ADGRE5: variants seen among roughly 807,000 people sequenced by gnomAD.
ADGRE5 encodes CD97 molecule.
Under a neutral mutation model 100.3 loss-of-function variants are expected in ADGRE5, and 72 were observed. The ratio of observed to expected loss-of-function variants is 0.72; its 90% confidence interval spans 0.59 to 0.87. ADGRE5 has a LOEUF of 0.87. ADGRE5 is among the 40% of genes least tolerant of loss of function. The pLI, the probability that ADGRE5 is intolerant of heterozygous loss-of-function variation, is 0.00. For missense variants in ADGRE5, 959 were observed against 1,094.7 expected (o/e 0.88, Z 1.75); for synonymous variants, 439 against 447.8 (o/e 0.98, Z 0.25).
chr19:14,401,391 C>A lies in ADGRE5; in HGVS notation c.903C>A (p.Val301=). ...TSSAEVTIQN[V]IKLVDELMEA... is the part of the protein sequence containing the mutation. ...TGTCACCCGCCACCCCCTAGAATGT[C>A]ATCAAATTGGTGGATGAACTGATGG... The change falls in exon 10 of 20, where the codon GTC becomes GTA. Residue 301 remains valine, a synonymous_variant. Coordinates refer to ENST00000242786, the MANE Select transcript of ADGRE5 (RefSeq NM_078481.4). This position sits in a 1 kb window ranked among gnomAD's most constrained non-coding sequence, Gnocchi z 4.1. 1.2e-6 allele frequency: 2 copies of A among 1,613,878 alleles called. No homozygotes were observed. Among genetic ancestry groups the A allele is most frequent in the Non-Finnish European group, 1.7e-6 (2 of 1,179,888 alleles).
At chr19:14,399,420 C>T (rs1025643752) in intron 9 of ADGRE5, among the ~76,000 whole-genome samples, 20 of 151,300 alleles carry the variant, frequency 1.3e-4, no homozygotes, top group Non-Finnish European at 2.2e-4. Flanking sequence ...AAAAATTAGC[C>T]GGGCGTAGTG....
At chr19:14,407,638 C>CAAAAAAAAAA (rs566106681) in intron 18 of ADGRE5, among the ~76,000 whole-genome samples, 6 of 84,674 alleles carry the variant, frequency 7.1e-5, no homozygotes, top group African/African-American at 2.7e-4. Flanking sequence ...GACTTGTCTC[C>CAAAAAAAAAA]AAAAAAAAAA....
At chr19:14,391,837 C>A (rs1014037154) in intron 4 of ADGRE5, among the ~76,000 whole-genome samples, 1 of 152,106 alleles carries the variant, frequency 6.6e-6, no homozygotes, top group Non-Finnish European at 1.5e-5. Context: ...GTGGCTCACA[C>A]CTGTAATCCC....
chr19:14,382,820 C>T (rs966090536), intron 1 of ADGRE5, among the ~76,000 whole-genome samples: 4 of 151,874 alleles, frequency 2.6e-5, no homozygotes, highest in Non-Finnish European at 5.9e-5. Flanking sequence ...AGCGATTCTC[C>T]TGCCTCGCCC....
In ADGRE5 at chr19:14,404,561, A is replaced by C. The variant is rs1002267002; in HGVS notation, c.1628A>C (p.Glu543Ala). Residue 543 changes from glutamate (E) to alanine (A), a missense_variant and splice_region_variant, in exon 13 of 20, where the codon GAG (glutamate) becomes GCG (alanine). Physicochemically the swap from Glu to Ala is moderately radical, Grantham distance 107 (BLOSUM62 -1). Around this residue, in one of 6 missense-constraint regions of ADGRE5, gnomAD observed 428 missense variants for 386.2 expected, o/e 1.11. Transcript: ENST00000242786. Reference protein sequence around the residue: ...FAILMAHYDVEDWKLTLITRV... With the variant: ...FAILMAHYDVADWKLTLITRV... Reference sequence around the variant, plus strand: ...ATCCTTATGGCTCATTATGACGTGGAGGTAAGTAGCTGGAGGCATCCTCAA... The same window carrying C: ...ATCCTTATGGCTCATTATGACGTGGCGGTAAGTAGCTGGAGGCATCCTCAA... The C allele has an allele frequency of 1.5e-5, 24 of 1,612,146 alleles. No individual in the cohort carries two copies. Among genetic ancestry groups the C allele is most frequent in the Non-Finnish European group, 2.0e-5 (24 of 1,179,358 alleles).
At position 14,406,313 on chromosome 19, in the gene ADGRE5, T is replaced by C; in HGVS notation, c.1822-18T>C. ...CCCCGCGCTGACGTCGCTCCGCCCC[T>C]CCGTCCCCGCCCCGCAGGTGGGGCT... On this transcript the variant is annotated intron_variant, in intron 14 of 19. Transcript: ENST00000242786. The surrounding 1 kb of genome is among the most constrained non-coding windows in gnomAD (Gnocchi z 6.0). 2 of 1,536,288 alleles carry C rather than the reference T, an allele frequency of 1.3e-6. No individual in the cohort carries two copies. The highest frequency in any genetic ancestry group is 1.8e-6 in the Non-Finnish European group (2 of 1,141,916).
chr19:14,407,786 C>T (rs529027527), intron 18 of ADGRE5, 122 bp from the exon 19 acceptor site: 443 of 785,482 alleles, frequency 5.6e-4, no homozygotes, highest in Non-Finnish European at 8.4e-4. Flanking sequence ...CAGGGGGACC[C>T]GATCTCAAAA....
At chr19:14,385,399 G>GTC (rs879416523) in intron 1 of ADGRE5, among the ~76,000 whole-genome samples, 9 of 151,086 alleles carry the variant, frequency 6.0e-5, no homozygotes, top group South Asian at 2.1e-4. Context: ...CTCTCTGTCT[G>GTC]TCTCTCTCTC....
intron 3 of ADGRE5, among the ~76,000 whole-genome samples, chr19:14,389,134 A>C (rs556891891): frequency 8.2e-5 from 6 of 73,370 alleles, no homozygotes; most frequent in African/African-American, 3.6e-4. Context: ...ACAGAATGAG[A>C]TCGTGTCTCA....
chr19:14,408,468 C>G lies in ADGRE5; in HGVS notation c.*347C>G. The G allele has an allele frequency of 3.8e-6, 2 of 527,616 alleles. No homozygotes were observed. Among genetic ancestry groups the G allele is most frequent in the Non-Finnish European group, 3.4e-6 (1 of 292,308 alleles). 32.7% of individuals were successfully genotyped at this position (527,616 alleles called of 1,614,324 possible). A position where few individuals can be genotyped will look rare whatever the true frequency, so the allele number is the denominator to read the frequency against. ...GCGCTTGTCCCATCCTGGACTTTTC[C>G]TCTCATGTCTTTGCTGCAGAACTGA... On this transcript the variant is annotated 3_prime_UTR_variant, in exon 20 of 20. Coordinates refer to ENST00000242786, the MANE Select transcript of ADGRE5 (RefSeq NM_078481.4).
chr19:14,390,847 G>A, intron 3 of ADGRE5, 77 bp from the exon 4 acceptor site: 1 of 1,545,896 alleles, frequency 6.5e-7, no homozygotes, highest in Non-Finnish European at 8.8e-7. Context: ...CCCCATGTTG[G>A]GGAGTCAGGA....
chr19:14,381,593 G>A (rs1419761859), intron 1 of ADGRE5, 48 bp downstream of exon 1: 2 of 1,581,658 alleles, frequency 1.3e-6, no homozygotes, highest in Non-Finnish European at 1.7e-6. Flanking sequence ...GCTCCAGCGG[G>A]ACCCCTTGGC....
chr19:14,406,426 T>C lies in ADGRE5; in HGVS notation c.1917T>C (p.Phe639=), dbSNP rs759905585. Residue 639 remains phenylalanine, a synonymous_variant, in exon 15 of 20, where the codon TTT becomes TTC. Transcript: ENST00000242786. The surrounding 1 kb of genome is among the most constrained non-coding windows in gnomAD (Gnocchi z 6.0). ...WMSLEGLELY[F]LVVRVFQGQG... ...GCCTCGAAGGCCTGGAGCTCTACTT[T>C]CTTGTGGTGCGCGTGTTCCAAGGCC... The C allele has an allele frequency of 3.1e-6, 5 of 1,589,972 alleles. No homozygotes were observed. Among genetic ancestry groups the C allele is most frequent in the Middle Eastern group, 1.7e-4 (1 of 5,982 alleles).
chr19:14,397,310 G>A, intron 6 of ADGRE5, 87 bp downstream of exon 6: 4 of 1,589,146 alleles, frequency 2.5e-6, no homozygotes, highest in South Asian at 2.2e-5. Flanking sequence ...AGCAGAATGA[G>A]CGCTGGAGGC....
intron 12 of ADGRE5, among the ~76,000 whole-genome samples, chr19:14,403,552 C>A (rs550862914): frequency 3.3e-5 from 5 of 152,184 alleles, no homozygotes; most frequent in Admixed American, 3.3e-4. Flanking sequence ...GGGGACCTCA[C>A]TATTTTTCCC....
chr19:14,403,945 C>T (rs1468838492), intron 12 of ADGRE5, among the ~76,000 whole-genome samples: 2 of 133,882 alleles, frequency 1.5e-5, no homozygotes, highest in African/African-American at 2.8e-5. Context: ...GGCTCATTCT[C>T]GGCTCAGTGC....
rs1326525695 is a variant in ADGRE5, at chr19:14,408,147, C to G, written c.*26C>G. The G allele has an allele frequency of 6.2e-7, 1 of 1,611,452 alleles. No homozygotes were observed. Among genetic ancestry groups the G allele is most frequent in the Admixed American group, 1.7e-5 (1 of 59,922 alleles). ...AGGCGCATGGTTCTGGACGGCCCAG[C>G]AGCTCCTGTGGCCACAGCAGCTTTG... is the stretch of plus-strand genomic sequence containing the variant. On this transcript the variant is annotated 3_prime_UTR_variant, in exon 20 of 20. Transcript: ENST00000242786.
rs750999014 is a variant in ADGRE5, at chr19:14,407,075, C to T, written c.2222C>T (p.Thr741Met). 2.0e-5 allele frequency: 32 copies of T among 1,613,990 alleles called. No individual in the cohort carries two copies. Among genetic ancestry groups the T allele is most frequent in the African/African-American group, 2.7e-5 (2 of 74,948 alleles). ...GCTCCTCGCAGGGCGCTGACCATCA[C>T]GGCCATCGCGCAGCTCTTCCTGTTG... ...KLKKARALTI[T>M]AIAQLFLLGC... The change falls in exon 18 of 20, where the codon ACG (threonine) becomes ATG (methionine). Residue 741 changes from threonine (T) to methionine (M), a missense_variant. Around this residue, in one of 6 missense-constraint regions of ADGRE5, gnomAD observed 428 missense variants for 386.2 expected, o/e 1.11. Coordinates refer to ENST00000242786, the MANE Select transcript of ADGRE5 (RefSeq NM_078481.4).
intron 9 of ADGRE5, among the ~76,000 whole-genome samples, chr19:14,400,597 G>A (rs1217605236): frequency 6.6e-6 from 1 of 151,816 alleles, no homozygotes; most frequent in Non-Finnish European, 1.5e-5. Context: ...TTCAAGACCA[G>A]CCTGGCCAAC....
Sources: gnomAD v4.1 joint callset for allele counts (sites outside exome capture counted in the v4.1 genomes callset) on GRCh38, gnomAD v4.1.1 for gene constraint, gnomAD v4.1.1 regional missense constraint, Gnocchi (gnomAD v3.1) non-coding constraint, MANE v1.5 for transcripts, NCBI Gene and HGNC (gene_info 2026-07-23, HGNC 2026-07-21) for gene names.